L3MBTL4: variants seen among roughly 807,000 people sequenced by gnomAD.
L3MBTL4 encodes the protein L3MBTL histone methyl-lysine binding protein 4, also known as lethal(3)malignant brain tumor-like protein 4.
In L3MBTL4, 70 loss-of-function variants were observed where a neutral mutation model predicts 84.5. The ratio of observed to expected loss-of-function variants is 0.83; its 90% CI spans 0.68 to 1.01. The LOEUF is 1.01. Among genes scored for constraint, L3MBTL4 ranks in the 50% least tolerant of loss-of-function variants. The pLI, the probability that L3MBTL4 is intolerant of heterozygous loss-of-function variation, is 0.00. For synonymous variants in L3MBTL4, 274 were observed against 259.8 expected, an observed-to-expected ratio of 1.05 and a Z score of -0.52; for missense variants, 715 against 754.8, an observed-to-expected ratio of 0.95 and a Z score of 0.62.
chr18:6,102,604 T>C (rs1004322132), intron 14 of L3MBTL4, among the ~76,000 whole-genome samples: 1 of 152,230 alleles, frequency 6.6e-6, no homozygotes, highest in African/African-American at 2.4e-5. Context: ...TATCACAATT[T>C]AGCCCACTGG....
Position 5,969,483 on chromosome 18 carries a change from G to T in L3MBTL4, c.1524C>A (p.Asp508Glu), listed in dbSNP as rs753234283. 5.6e-6 allele frequency: 9 copies of T among 1,613,936 alleles called. No homozygotes were observed. The highest frequency in any genetic ancestry group is 8.5e-7 in the Non-Finnish European group (1 of 1,180,030). The change falls in exon 17 of 19, where the codon GAC (aspartate) becomes GAA (glutamate). Residue 508 changes from aspartate (D) to glutamate (E), a missense_variant. Physicochemically the swap from Asp to Glu is conservative, Grantham distance 45. Transcript: ENST00000317931. ...AGTGTTGCTCCCTGCCGAGGGGAAG[G>T]TCCCGAAAAGGGTGGGCTGACACCG... ...MSTVSAHPFR[D>E]LPLGREQHCK...
At chr18:6,213,994 A>G (rs1307348979) in intron 11 of L3MBTL4, among the ~76,000 whole-genome samples, 1 of 152,234 alleles carries the variant, frequency 6.6e-6, no homozygotes, top group Admixed American at 6.5e-5. Flanking sequence ...ATGGCACAGA[A>G]GGCAAAATTC....
chr18:6,012,100 CA>C (rs2054767564), intron 16 of L3MBTL4, among the ~76,000 whole-genome samples: 1 of 152,168 alleles, frequency 6.6e-6, no homozygotes, highest in Non-Finnish European at 1.5e-5. Flanking sequence ...GGAGGAGAGA[CA>C]TTTCAGGAGT....
At chr18:6,123,488 G>A (rs903067072) in intron 14 of L3MBTL4, among the ~76,000 whole-genome samples, 1 of 152,130 alleles carries the variant, frequency 6.6e-6, no homozygotes, top group African/African-American at 2.4e-5. Context: ...ATACAGGGCT[G>A]TTCCCCTGCA....
intron 18 of L3MBTL4, among the ~76,000 whole-genome samples, chr18:5,959,302 G>A (rs755951481): frequency 7.2e-5 from 11 of 152,132 alleles, no homozygotes; most frequent in Non-Finnish European, 1.3e-4. Flanking sequence ...ACCTTCCTGG[G>A]CCTGAGCTTC....
chr18:6,243,628 G>T (rs1315690600), intron 6 of L3MBTL4, among the ~76,000 whole-genome samples, 199 bp from the exon 7 acceptor site: 1 of 152,168 alleles, frequency 6.6e-6, no homozygotes, highest in Admixed American at 6.5e-5. Context: ...TGTCTTACAG[G>T]TATCTAGTGC....
At chr18:6,107,118 A>G (rs2059035454) in intron 14 of L3MBTL4, among the ~76,000 whole-genome samples, 1 of 152,262 alleles carries the variant, frequency 6.6e-6, no homozygotes, top group African/African-American at 2.4e-5. Flanking sequence ...TTAATAGTGC[A>G]CATTATTTCA....
At chr18:5,959,034 A>G (rs2095248829) in intron 18 of L3MBTL4, among the ~76,000 whole-genome samples, 1 of 152,210 alleles carries the variant, frequency 6.6e-6, no homozygotes. Context: ...CCCCACAGGT[A>G]GCAGCTACCC....
At chr18:6,289,159 G>A (rs758394723) in intron 4 of L3MBTL4, among the ~76,000 whole-genome samples, 2 of 152,018 alleles carry the variant, frequency 1.3e-5, no homozygotes, top group Non-Finnish European at 2.9e-5. Context: ...AATGATAAAG[G>A]TCTAAACAAG....
chr18:6,213,906 G>GTTT (rs1233009871), intron 11 of L3MBTL4, among the ~76,000 whole-genome samples: 1 of 152,090 alleles, frequency 6.6e-6, no homozygotes, highest in Non-Finnish European at 1.5e-5. Flanking sequence ...TATTAGTTTA[G>GTTT]TTTTTTTCCT....
intron 4 of L3MBTL4, among the ~76,000 whole-genome samples, chr18:6,279,801 AT>A (rs1310027015): frequency 1.3e-5 from 2 of 152,252 alleles, no homozygotes; most frequent in African/African-American, 2.4e-5. Flanking sequence ...TATTCACTTC[AT>A]AAAGTACTTA....
At chr18:6,287,103 G>A (rs1389124167) in intron 4 of L3MBTL4, among the ~76,000 whole-genome samples, 2 of 151,974 alleles carry the variant, frequency 1.3e-5, no homozygotes, top group African/African-American at 2.4e-5. Context: ...CATTTTAATT[G>A]GCTTTTGTGT....
intron 16 of L3MBTL4, among the ~76,000 whole-genome samples, chr18:6,057,015 T>TTTTC (rs1178429694): frequency 2.0e-5 from 3 of 152,042 alleles, no homozygotes; most frequent in South Asian, 2.1e-4. Context: ...CTAATTTTTC[T>TTTTC]TTTCTTTCTT....
intron 14 of L3MBTL4, among the ~76,000 whole-genome samples, chr18:6,105,183 A>ATTTTTTTTTTTTTTTTTTTTTTTTTTTT (rs869169400): frequency 1.0e-5 from 1 of 100,426 alleles, no homozygotes; most frequent in Non-Finnish European, 1.8e-5. Context: ...AACACCACCA[A>ATTTTTTTTTTTTTTTTTTTTTTTTTTTT]TTTTTTTTTT....
At chr18:6,295,342 C>CTATA (rs370638631) in intron 4 of L3MBTL4, among the ~76,000 whole-genome samples, 215 of 117,010 alleles carry the variant, frequency 1.8e-3, no homozygotes, top group African/African-American at 3.9e-3. Flanking sequence ...CTCTCTCTCT[C>CTATA]TCTCTATATA....
intron 10 of L3MBTL4, among the ~76,000 whole-genome samples, chr18:6,223,688 T>C (rs2046658063): frequency 6.6e-6 from 1 of 152,228 alleles, no homozygotes; most frequent in African/African-American, 2.4e-5. Flanking sequence ...TAGCTACATG[T>C]AGTCCTGTGA....
chr18:6,375,312 G>A (rs62079198), intron 1 of L3MBTL4, among the ~76,000 whole-genome samples: 108 of 152,180 alleles, frequency 7.1e-4, no homozygotes, highest in Non-Finnish European at 1.2e-3. Context: ...AGTCCAGGCT[G>A]CCACGGCTTC....
At chr18:6,066,523 T>G (rs559817401) in intron 16 of L3MBTL4, among the ~76,000 whole-genome samples, 60 of 152,166 alleles carry the variant, frequency 3.9e-4, no homozygotes, top group Non-Finnish European at 7.8e-4. Flanking sequence ...ATTTTATAAA[T>G]CTGAGAGCTC....
chr18:5,998,107 G>T (rs974587945), intron 16 of L3MBTL4, among the ~76,000 whole-genome samples: 2 of 152,136 alleles, frequency 1.3e-5, no homozygotes, highest in Admixed American at 6.5e-5. Context: ...CTCCCTCAGG[G>T]ACACCCTGGC....
Sources: allele counts gnomAD v4.1 joint callset (sites outside exome capture counted in the v4.1 genomes callset), GRCh38; gene constraint gnomAD v4.1.1; transcripts MANE v1.5; gene names NCBI Gene and HGNC (gene_info 2026-07-23, HGNC 2026-07-21).